KIRREL3: variants seen among roughly 807,000 people sequenced by gnomAD.
KIRREL3 encodes the protein kin of IRRE-like protein 3.
In KIRREL3, 36 loss-of-function variants were observed where a neutral mutation model predicts 89.7. That is an observed-to-expected ratio of 0.40 (90% CI 0.31 to 0.53). The LOEUF is 0.53. Ranked by LOEUF, KIRREL3 falls within the 20% of genes least tolerant of loss-of-function variation. The pLI, the probability that KIRREL3 is intolerant of heterozygous loss-of-function variation, is 0.49. For synonymous variants in KIRREL3, 445 were observed against 441.4 expected (o/e 1.01, Z -0.10); for missense variants, 864 against 1,056.6 (o/e 0.82, Z 2.53).
At chr11:126,437,805 A>G (rs1213878027) in intron 11 of KIRREL3, among the ~76,000 whole-genome samples, 4 of 152,312 alleles carry the variant, frequency 2.6e-5, no homozygotes, top group Non-Finnish European at 5.9e-5. Context: ...ACACATGTAC[A>G]TACCACAACA....
upstream of KIRREL3, chr11:127,003,117 AAAG>A: frequency 6.8e-6 from 1 of 147,476 alleles, no homozygotes; most frequent in Non-Finnish European, 1.5e-5. Flanking sequence ...CCGCAGAAAG[AAAG>A]AAAAAAAAAA....
intron 1 of KIRREL3, among the ~76,000 whole-genome samples, chr11:126,926,200 T>C (rs1272407111): frequency 2.0e-5 from 3 of 152,162 alleles, no homozygotes; most frequent in Non-Finnish European, 2.9e-5. Flanking sequence ...AGACGAAAAC[T>C]TGGGGCCTGG....
intron 1 of KIRREL3, among the ~76,000 whole-genome samples, chr11:126,966,355 A>G (rs906644168): frequency 7.9e-5 from 12 of 152,218 alleles, no homozygotes; most frequent in African/African-American, 2.4e-4. Context: ...TCAGAGCAGC[A>G]TGCGTCTCCT....
In KIRREL3 at chr11:126,531,611, AG is replaced by A. The variant is rs1958947429; in HGVS notation, c.134-4925del. On this transcript the variant is annotated intron_variant, in intron 2 of 16. Transcript: ENST00000525144. This position sits in a 1 kb window ranked among gnomAD's most constrained non-coding sequence, Gnocchi z 4.7. ...CCTAAGCAACCCCACCTATCATTGA[AG>A]GCCCAGTTCTCTCCCCAGGCAGCTC... 6.7e-6 allele frequency among the ~76,000 whole-genome samples: 1 copy of A among 149,644 alleles called. No homozygotes were observed. Among genetic ancestry groups the A allele is most frequent in the South Asian group, 2.1e-4 (1 of 4,660 alleles).
chr11:126,451,377 CG>C (rs1956142625), intron 7 of KIRREL3, among the ~76,000 whole-genome samples: 3 of 73,452 alleles, frequency 4.1e-5, no homozygotes, highest in African/African-American at 1.8e-4. Flanking sequence ...TATGTGTGAG[CG>C]TGTGCATGTG....
chr11:126,449,800 T>C (rs570297199), intron 7 of KIRREL3, among the ~76,000 whole-genome samples: 1 of 152,352 alleles, frequency 6.6e-6, no homozygotes, highest in African/African-American at 2.4e-5. Flanking sequence ...AGCTCTCCTG[T>C]CCTGTTCTGC....
At chr11:126,481,156 G>A (rs905090504) in intron 4 of KIRREL3, among the ~76,000 whole-genome samples, 18 of 152,164 alleles carry the variant, frequency 1.2e-4, no homozygotes, top group African/African-American at 4.1e-4. Context: ...CATAATACAA[G>A]GTTAGGTGTT....
At chr11:126,730,628 A>G (rs1948580263) in intron 1 of KIRREL3, among the ~76,000 whole-genome samples, 2 of 152,226 alleles carry the variant, frequency 1.3e-5, no homozygotes, top group Non-Finnish European at 2.9e-5. Context: ...GAGGCCAGGG[A>G]TGGAGCTGAA....
At chr11:126,862,685 A>T (rs759181244) in intron 1 of KIRREL3, among the ~76,000 whole-genome samples, 3 of 152,108 alleles carry the variant, frequency 2.0e-5, no homozygotes, top group Non-Finnish European at 4.4e-5. Flanking sequence ...GTCACTATCG[A>T]CTACTCCCAC....
rs1424899172 is a variant in KIRREL3, at chr11:126,443,807, C to T, written c.1252+1172G>A. Among the ~76,000 whole-genome samples the T allele has an allele frequency of 1.3e-5, 2 of 152,134 alleles. No individual in the cohort carries two copies. Among genetic ancestry groups the T allele is most frequent in the Admixed American group, 6.5e-5 (1 of 15,274 alleles). ...TGCTCTGGGGCCAGGACCCAGATGT[C>T]CTGCAAATGTTGGTGGTTCAGTTCC... On this transcript the variant is annotated intron_variant, in intron 10 of 16. Transcript: ENST00000525144. The surrounding 1 kb of genome is among the most constrained non-coding windows in gnomAD (Gnocchi z 7.3).
chr11:126,499,848 C>T (rs552284717), intron 4 of KIRREL3, among the ~76,000 whole-genome samples: 6 of 152,286 alleles, frequency 3.9e-5, no homozygotes, highest in African/African-American at 9.6e-5. Context: ...CTTATATATT[C>T]GAGGGCTTCT....
chr11:126,706,500 T>A (rs567645537), intron 1 of KIRREL3, among the ~76,000 whole-genome samples: 1 of 152,182 alleles, frequency 6.6e-6, no homozygotes, highest in African/African-American at 2.4e-5. Flanking sequence ...CTAGGTTAAA[T>A]TTCTAGGAAC....
At chr11:126,631,076 C>A (rs1353382607) in intron 1 of KIRREL3, among the ~76,000 whole-genome samples, 1 of 152,168 alleles carries the variant, frequency 6.6e-6, no homozygotes, top group African/African-American at 2.4e-5. Flanking sequence ...GTAGCTACTT[C>A]GTGTTCCCTC....
chr11:126,695,534 G>A (rs1051483331), intron 1 of KIRREL3, among the ~76,000 whole-genome samples: 4 of 150,876 alleles, frequency 2.7e-5, no homozygotes, highest in Non-Finnish European at 4.4e-5. Context: ...TCACCACACC[G>A]CTGTCTCTCC....
chr11:126,594,490 T>G lies in KIRREL3; in HGVS notation c.56-31578A>C, dbSNP rs766617004. ...ACTGTCAAATCTCAGCTCCTTCCAC[T>G]TTTTTCGCTGTGTAACTTTAGAATT... On this transcript the variant is annotated intron_variant, in intron 1 of 16. Transcript: ENST00000525144. The surrounding 1 kb of genome is among the most constrained non-coding windows in gnomAD (Gnocchi z 5.0). Among the ~76,000 whole-genome samples, 1 of 152,174 alleles carries G rather than the reference T, an allele frequency of 6.6e-6. No homozygotes were observed. The highest frequency in any genetic ancestry group is 1.5e-5 in the Non-Finnish European group (1 of 68,036).
intron 4 of KIRREL3, among the ~76,000 whole-genome samples, chr11:126,478,611 ATATGTGTGTATG>A (rs1239857098): frequency 4.6e-5 from 7 of 150,640 alleles, no homozygotes; most frequent in Admixed American, 4.6e-4. Context: ...ATATGCATGT[ATATGTGTGTATG>A]TGTGTATGCG....
upstream of KIRREL3, chr11:127,000,924 C>G (rs1245934931): frequency 2.8e-6 from 1 of 361,916 alleles, no homozygotes; most frequent in Non-Finnish European, 4.9e-6. This position sits in a 1 kb window ranked among gnomAD's most constrained non-coding sequence, Gnocchi z 7.1. Context: ...AGGAAACACT[C>G]GGAAAAAGGA....
rs534207990 is a variant in KIRREL3, at chr11:126,522,505, G to A, written c.284-1041C>T. Reference sequence around the variant, plus strand: ...GGTGACGCACTTATGAAGTGCTCAGGACGCTTAAGAATTGGGGGCCCCTTG... The same window carrying A: ...GGTGACGCACTTATGAAGTGCTCAGAACGCTTAAGAATTGGGGGCCCCTTG... On this transcript the variant is annotated intron_variant, in intron 3 of 16. Transcript: ENST00000525144. The surrounding 1 kb of genome is among the most constrained non-coding windows in gnomAD (Gnocchi z 6.0). Among the ~76,000 whole-genome samples, 22 of 152,304 alleles carry A rather than the reference G, an allele frequency of 1.4e-4. No homozygotes were observed. In the East Asian group the frequency reaches 2.7e-3, roughly 19 times the overall value.
chr11:126,711,549 A>G (rs966433105), intron 1 of KIRREL3, among the ~76,000 whole-genome samples: 1 of 152,218 alleles, frequency 6.6e-6, no homozygotes, highest in African/African-American at 2.4e-5. Context: ...GCGACAGAGC[A>G]AGACTCCGTC....
Sources: gnomAD v4.1 joint callset for allele counts (sites outside exome capture counted in the v4.1 genomes callset) on GRCh38, gnomAD v4.1.1 for gene constraint, Gnocchi (gnomAD v3.1) non-coding constraint, MANE v1.5 for transcripts, NCBI Gene and HGNC (gene_info 2026-07-23, HGNC 2026-07-21) for gene names.